Variants in PCDHGA1 observed in about 807,000 individuals in gnomAD.
PCDHGA1 encodes the protein protocadherin gamma subfamily A, 1, also known as protocadherin gamma-A1.
A neutral mutation model predicts 58.0 loss-of-function variants in PCDHGA1; 32 were observed. The observed-to-expected ratio is 0.55, with a 90% CI of 0.42 to 0.74. The LOEUF (loss-of-function observed/expected upper bound fraction) is 0.74. Among genes scored for constraint, PCDHGA1 ranks in the 30% least tolerant of loss-of-function variants. The pLI, the probability that PCDHGA1 is intolerant of heterozygous loss-of-function variation, is 0.00. For synonymous variants in PCDHGA1, 498 were observed against 501.1 expected (o/e 0.99, Z 0.08); for missense variants, 1,205 against 1,182.3 (o/e 1.02, Z -0.28).
chr5:141,424,061 CTGATT>C, intron 1 of PCDHGA1: 1 of 1,003,194 alleles, frequency 1.0e-6, no homozygotes, highest in Non-Finnish European at 1.2e-6. Flanking sequence ...TGTGCCTTCA[CTGATT>C]TGTAGTTATA....
In PCDHGA1 at chr5:141,360,025, T is replaced by C. The variant is rs1336332149; in HGVS notation, c.2421+26920T>C. On this transcript the variant is annotated intron_variant, in intron 1 of 3. Transcript: ENST00000517417. ...AAACCAACCACACAGAGAAGGCCAGTATAGATTCGGAAACAGAAAACAAAA... is the reference window on the plus strand; with the variant it reads ...AAACCAACCACACAGAGAAGGCCAGCATAGATTCGGAAACAGAAAACAAAA... 12 of 1,338,564 alleles carry C rather than the reference T, an allele frequency of 9.0e-6. No individual in the cohort carries two copies. In the Admixed American group the frequency reaches 3.4e-4, roughly 38 times the overall value. 82.9% of individuals were successfully genotyped at this position (1,338,564 alleles called of 1,614,324 possible). A position where few individuals can be genotyped will look rare whatever the true frequency, so the allele number is the denominator to read the frequency against.
At chr5:141,414,363 T>C in intron 1 of PCDHGA1, 3 of 1,613,910 alleles carry the variant, frequency 1.9e-6, no homozygotes, top group Non-Finnish European at 1.7e-6. Context: ...ATCTACCATT[T>C]AAATTAGAAA....
chr5:141,420,454 TATTCAAAGAC>T, intron 1 of PCDHGA1: 1 of 968,104 alleles, frequency 1.0e-6, no homozygotes, highest in Admixed American at 3.7e-5. Context: ...GTCTTCCTAC[TATTCAAAGAC>T]ATTTTAAAGC....
intron 1 of PCDHGA1, chr5:141,339,865 T>G: frequency 6.2e-7 from 1 of 1,614,176 alleles, no homozygotes; most frequent in Non-Finnish European, 8.5e-7. Flanking sequence ...AGTCAACATC[T>G]GGAGAACTGA....
chr5:141,393,615 G>A (rs1168568292), intron 1 of PCDHGA1: 1 of 1,613,928 alleles, frequency 6.2e-7, no homozygotes, highest in South Asian at 1.1e-5. Context: ...AACAGCCAGC[G>A]ACCCGGATGA....
chr5:141,351,766 C>A lies in PCDHGA1; in HGVS notation c.2421+18661C>A, dbSNP rs754880046. ...CGCGGGAGCTGTTGTCCTACGTGTC[C>A]GTGAGCCCGCAGAGCGGGGTGGTGT... On this transcript the variant is annotated intron_variant, in intron 1 of 3. Coordinates refer to ENST00000517417, the MANE Select transcript of PCDHGA1 (RefSeq NM_018912.3). The A allele has an allele frequency of 1.9e-5, 31 of 1,613,408 alleles. No individual in the cohort carries two copies. In the East Asian group the frequency reaches 6.5e-4, roughly 34 times the overall value.
chr5:141,388,636 T>G, intron 1 of PCDHGA1: 1 of 1,613,918 alleles, frequency 6.2e-7, no homozygotes. Context: ...AGGGTGAGCC[T>G]TTCAGAAAAC....
chr5:141,393,460 A>T, intron 1 of PCDHGA1: 1 of 1,614,052 alleles, frequency 6.2e-7, no homozygotes, highest in Non-Finnish European at 8.5e-7. Flanking sequence ...ACGGCCTCGG[A>T]TGGCGGCAAG....
chr5:141,414,457 G>A (rs1319960665), intron 1 of PCDHGA1: 7 of 1,613,872 alleles, frequency 4.3e-6, no homozygotes, highest in Non-Finnish European at 5.9e-6. Flanking sequence ...CACAGTGACA[G>A]CCACAGATGG....
At chr5:141,357,770 T>C in intron 1 of PCDHGA1, 1 of 952,176 alleles carries the variant, frequency 1.1e-6, no homozygotes, top group Non-Finnish European at 1.5e-6. Context: ...GACCTTCCAA[T>C]AATGATCAAC....
chr5:141,399,649 G>A (rs1325160100), intron 1 of PCDHGA1: 2 of 1,613,794 alleles, frequency 1.2e-6, no homozygotes, highest in East Asian at 2.2e-5. Flanking sequence ...CGCGCAAAGT[G>A]GGGTGGTGTT....
chr5:141,392,862 T>C (rs1334405895), intron 1 of PCDHGA1: 2 of 1,612,696 alleles, frequency 1.2e-6, no homozygotes, highest in Non-Finnish European at 1.7e-6. Flanking sequence ...GATCCTGCTG[T>C]GCGCGCTGCT....
At chr5:141,409,576 G>C (rs1238671221) in intron 1 of PCDHGA1, 52 of 1,613,806 alleles carry the variant, frequency 3.2e-5, no homozygotes, top group Non-Finnish European at 4.2e-5. Flanking sequence ...CGTCCTACGT[G>C]GTCCACGTGG....
At chr5:141,484,425 A>G (rs2099596309) in intron 1 of PCDHGA1, among the ~76,000 whole-genome samples, 3 of 152,192 alleles carry the variant, frequency 2.0e-5, no homozygotes, top group African/African-American at 7.2e-5. Flanking sequence ...TACAATGAGA[A>G]CATGTACTGC....
chr5:141,430,258 A>T (rs542653323), intron 1 of PCDHGA1, among the ~76,000 whole-genome samples: 1 of 147,968 alleles, frequency 6.8e-6, no homozygotes, highest in Non-Finnish European at 1.5e-5. Flanking sequence ...AGACATCTCC[A>T]TAATAGGTGT....
At position 141,364,870 on chromosome 5, in the gene PCDHGA1, G is replaced by A. The variant is rs767440295; in HGVS notation, c.2421+31765G>A. On this transcript the variant is annotated intron_variant, in intron 1 of 3. Coordinates refer to ENST00000517417, the MANE Select transcript of PCDHGA1 (RefSeq NM_018912.3). Reference sequence around the variant, plus strand: ...TCAGCTCCAATCTGCACTTCTCTCTGGATGTGGTAAGCGGAACTGATGGAC... The same window carrying A: ...TCAGCTCCAATCTGCACTTCTCTCTAGATGTGGTAAGCGGAACTGATGGAC... The A allele has an allele frequency of 1.1e-5, 17 of 1,613,978 alleles. No individual in the cohort carries two copies. In the Admixed American group the frequency reaches 1.8e-4, roughly 17 times the overall value.
chr5:141,355,170 G>T (rs200043254), intron 1 of PCDHGA1: 1 of 1,569,780 alleles, frequency 6.4e-7, no homozygotes, highest in Non-Finnish European at 8.6e-7. Flanking sequence ...AGGGAAAACC[G>T]AAGCACAGGC....
chr5:141,372,682 C>T, intron 1 of PCDHGA1: 1 of 1,614,010 alleles, frequency 6.2e-7, no homozygotes, highest in Non-Finnish European at 8.5e-7. Flanking sequence ...TCCTCAAACA[C>T]CGAGTTTAAA....
intron 2 of PCDHGA1, among the ~76,000 whole-genome samples, chr5:141,500,212 ATT>A (rs1336187706): frequency 5.4e-5 from 8 of 148,798 alleles, no homozygotes; most frequent in African/African-American, 2.0e-4. Context: ...TTATTTATTT[ATT>A]TATTTATTTA....
Sources: gnomAD v4.1 joint callset for allele counts (sites outside exome capture counted in the v4.1 genomes callset) on GRCh38, gnomAD v4.1.1 for gene constraint, MANE v1.5 for transcripts, NCBI Gene and HGNC (gene_info 2026-07-23, HGNC 2026-07-21) for gene names.